The following TRABD2B variants were observed in gnomAD, a reference collection of about 807,000 sequenced individuals.
TRABD2B encodes the protein metalloprotease TIKI2.
In TRABD2B, 14 loss-of-function variants were observed where a neutral mutation model predicts 40.1. The observed-to-expected ratio is 0.35, with a 90% confidence interval of 0.23 to 0.55. The LOEUF is 0.55. Ranked by LOEUF, TRABD2B falls within the 20% of genes least tolerant of loss-of-function variation. TRABD2B has a pLI of 0.90. For missense variants in TRABD2B, 541 were observed against 648.6 expected (o/e 0.83, Z 1.80); for synonymous variants, 263 against 277.0 (o/e 0.95, Z 0.50).
intron 4 of TRABD2B, among the ~76,000 whole-genome samples, chr1:47,780,557 T>C (rs1022577171): frequency 2.0e-5 from 3 of 152,108 alleles, no homozygotes; most frequent in Admixed American, 6.5e-5. Flanking sequence ...GAGAGGGAAC[T>C]GTTCACACAG....
intron 2 of TRABD2B, among the ~76,000 whole-genome samples, chr1:47,957,967 G>A (rs925140270): frequency 2.6e-5 from 4 of 152,156 alleles, no homozygotes; most frequent in Non-Finnish European, 4.4e-5. Flanking sequence ...GAGAAAGGTC[G>A]GGTTACCCAC....
Position 47,886,456 on chromosome 1 carries a change from G to A in TRABD2B, c.667-84837C>T, listed in dbSNP as rs185629384. Among the ~76,000 whole-genome samples the A allele has an allele frequency of 1.4e-3, 210 of 152,222 alleles. 1 individual carries two copies. Among genetic ancestry groups the A allele is most frequent in the Non-Finnish European group, 2.0e-3 (137 of 68,022 alleles). On this transcript the variant is annotated intron_variant, in intron 2 of 6. Coordinates refer to ENST00000606738, the MANE Select transcript of TRABD2B (RefSeq NM_001194986.2). ...GGTGTTAGGGAAATTTCTATCAAAT[G>A]GTTGATAGAACTGAATTTATAGTCT... is the stretch of plus-strand genomic sequence containing the variant.
At chr1:47,865,365 A>AC in intron 2 of TRABD2B, among the ~76,000 whole-genome samples, 1 of 151,652 alleles carries the variant, frequency 6.6e-6, no homozygotes, top group Non-Finnish European at 1.5e-5. Context: ...CAAAGGCCCC[A>AC]CCTCTCGCAG....
At chr1:47,977,219 C>A (rs998388194) in intron 2 of TRABD2B, among the ~76,000 whole-genome samples, 10 of 152,072 alleles carry the variant, frequency 6.6e-5, no homozygotes, top group African/African-American at 2.4e-4. Flanking sequence ...ACCACAGGTG[C>A]ATGCCACCAT....
intron 2 of TRABD2B, among the ~76,000 whole-genome samples, chr1:47,883,457 G>A (rs998384085): frequency 6.6e-6 from 1 of 152,204 alleles, no homozygotes; most frequent in Non-Finnish European, 1.5e-5. Context: ...TAACTAGGGG[G>A]TAGGGAGTAG....
intron 3 of TRABD2B, 36 bp from the exon 4 acceptor site, chr1:47,794,796 T>G: frequency 1.4e-6 from 2 of 1,442,716 alleles, no homozygotes; most frequent in East Asian, 2.6e-5. Flanking sequence ...TTCAGTTTTT[T>G]TTTTTTTTTT....
At chr1:47,781,993 G>A (rs1411527856) in intron 4 of TRABD2B, among the ~76,000 whole-genome samples, 1 of 152,166 alleles carries the variant, frequency 6.6e-6, no homozygotes, top group Non-Finnish European at 1.5e-5. Context: ...GTCAATGTGG[G>A]AGCCCTGGGA....
intron 2 of TRABD2B, among the ~76,000 whole-genome samples, chr1:47,939,276 T>C (rs1645154893): frequency 6.6e-6 from 1 of 151,978 alleles, no homozygotes. Context: ...AAAGCCAACA[T>C]GACAATGAAG....
intron 6 of TRABD2B, among the ~76,000 whole-genome samples, chr1:47,769,041 C>A (rs569302646): frequency 2.0e-5 from 3 of 152,162 alleles, no homozygotes; most frequent in African/African-American, 7.2e-5. Flanking sequence ...CTCTCAAACC[C>A]GCAGATGGAG....
intron 2 of TRABD2B, among the ~76,000 whole-genome samples, chr1:47,888,850 T>C (rs1024690917): frequency 9.2e-5 from 14 of 152,130 alleles, no homozygotes; most frequent in African/African-American, 3.1e-4. Context: ...CCCTGAGTTT[T>C]CCCTGGCCCA....
At chr1:47,841,250 C>T (rs1218877074) in intron 2 of TRABD2B, among the ~76,000 whole-genome samples, 4 of 152,150 alleles carry the variant, frequency 2.6e-5, no homozygotes, top group Non-Finnish European at 5.9e-5. Context: ...GACTCTCTTG[C>T]TAGAAAACTG....
chr1:47,823,846 G>A (rs1645141610), intron 2 of TRABD2B, among the ~76,000 whole-genome samples: 1 of 152,188 alleles, frequency 6.6e-6, no homozygotes, highest in Non-Finnish European at 1.5e-5. Context: ...TCTTTCTGTG[G>A]GGTAGCCATG....
Position 47,997,110 on chromosome 1 carries a change from G to C in TRABD2B, c.-321C>G. 1 of 983,606 alleles carries C rather than the reference G, an allele frequency of 1.0e-6. No individual in the cohort carries two copies. Among genetic ancestry groups the C allele is most frequent in the South Asian group, 4.7e-5 (1 of 21,220 alleles). 60.9% of individuals were successfully genotyped at this position (983,606 alleles called of 1,614,324 possible). A position where few individuals can be genotyped will look rare whatever the true frequency, so the allele number is the denominator to read the frequency against. ...GGTCCCGGAGCTGCGTCGCGGTCCA[G>C]GGGCGCGCGGGGTTCCTGGGGCAGA... On this transcript the variant is annotated 5_prime_UTR_variant, in exon 1 of 7. Coordinates refer to ENST00000606738, the MANE Select transcript of TRABD2B (RefSeq NM_001194986.2).
At chr1:47,846,897 AAT>A (rs1645479861) in intron 2 of TRABD2B, among the ~76,000 whole-genome samples, 3 of 69,384 alleles carry the variant, frequency 4.3e-5, no homozygotes, top group Admixed American at 3.3e-4. Flanking sequence ...CACACACACA[AAT>A]GAGGGCTGGG....
chr1:47,875,674 C>CAAAAAAAAAAAAAAAAAAA (rs10541556), intron 2 of TRABD2B, among the ~76,000 whole-genome samples: 1 of 75,926 alleles, frequency 1.3e-5, no homozygotes, highest in Non-Finnish European at 2.5e-5. Flanking sequence ...AACCCTGTCT[C>CAAAAAAAAAAAAAAAAAAA]AAAAAAAAAA....
intron 2 of TRABD2B, among the ~76,000 whole-genome samples, chr1:47,864,923 C>T (rs1435638797): frequency 6.6e-6 from 1 of 151,868 alleles, no homozygotes; most frequent in Non-Finnish European, 1.5e-5. Context: ...TAAACCCTGC[C>T]CTGGATGAGT....
chr1:47,828,835 C>T (rs1313064354), intron 2 of TRABD2B, among the ~76,000 whole-genome samples: 2 of 152,212 alleles, frequency 1.3e-5, no homozygotes, highest in Non-Finnish European at 2.9e-5. Context: ...GTGACAGGTG[C>T]CACCTAGAGC....
intron 4 of TRABD2B, 112 bp downstream of exon 4, chr1:47,794,474 T>TC: frequency 8.0e-7 from 1 of 1,253,946 alleles, no homozygotes; most frequent in South Asian, 1.7e-5. Flanking sequence ...GTGTGGCTTT[T>TC]CCTGCCCCAT....
chr1:47,967,254 T>TA (rs1165687246), intron 2 of TRABD2B, among the ~76,000 whole-genome samples: 1 of 152,010 alleles, frequency 6.6e-6, no homozygotes, highest in African/African-American at 2.4e-5. Flanking sequence ...TCCTGGTGCT[T>TA]AGAGACAGCC....
Sources: allele counts gnomAD v4.1 joint callset (sites outside exome capture counted in the v4.1 genomes callset), GRCh38; gene constraint gnomAD v4.1.1; transcripts MANE v1.5; gene names NCBI Gene and HGNC (gene_info 2026-07-23, HGNC 2026-07-21).